DGKI: variants seen among roughly 807,000 people sequenced by gnomAD.
DGKI encodes the protein DAG kinase iota.
DGKI carries 55 observed loss-of-function variants against 147.5 expected under a neutral mutation model. That is an observed-to-expected ratio of 0.37 (90% CI 0.30 to 0.47). DGKI has a LOEUF of 0.47. DGKI is among the 20% of genes least tolerant of loss of function. DGKI has a pLI of 1.00. For missense variants in DGKI, 1,007 were observed against 1,323.8 expected (o/e 0.76, Z 3.71); for synonymous variants, 469 against 477.1 (o/e 0.98, Z 0.22).
At chr7:137,675,670 G>C (rs941547340) in intron 3 of DGKI, among the ~76,000 whole-genome samples, 2 of 128,742 alleles carry the variant, frequency 1.6e-5, no homozygotes, top group Non-Finnish European at 1.6e-5. Flanking sequence ...GGGCAGCCGA[G>C]CAAGACTACA....
intron 12 of DGKI, among the ~76,000 whole-genome samples, chr7:137,589,635 T>A (rs530483269): frequency 5.9e-5 from 9 of 152,174 alleles, no homozygotes; most frequent in African/African-American, 9.7e-5. Context: ...ATAGTTCTAA[T>A]AAACTGCAAG....
At position 137,708,641 on chromosome 7, in the gene DGKI, C is replaced by T. The variant is rs530577555; in HGVS notation, c.402-18639G>A. 7.2e-5 allele frequency among the ~76,000 whole-genome samples: 11 copies of T among 152,328 alleles called. No individual in the cohort carries two copies. The South Asian group carries it at 1.4e-3, about 20-fold the overall frequency. ...CTATGTTCTAGGCTCAAAGTAATTG[C>T]TGTTTGTATGGAAGTAAACAAAATA... On this transcript the variant is annotated intron_variant, in intron 1 of 32. Coordinates refer to ENST00000614521, the MANE Select transcript of DGKI (RefSeq NM_001321708.2).
intron 6 of DGKI, among the ~76,000 whole-genome samples, chr7:137,626,705 C>T (rs1014007031): frequency 6.6e-6 from 1 of 152,164 alleles, no homozygotes; most frequent in Non-Finnish European, 1.5e-5. Flanking sequence ...GCAGCAGAAG[C>T]CGGGGTGAGA....
intron 1 of DGKI, among the ~76,000 whole-genome samples, chr7:137,809,670 G>A (rs976031476): frequency 1.3e-5 from 2 of 152,136 alleles, no homozygotes; most frequent in Non-Finnish European, 2.9e-5. Context: ...ATTCTTGGAC[G>A]CCAAGGAAGG....
chr7:137,706,561 T>TTTTTTA, intron 1 of DGKI, among the ~76,000 whole-genome samples: 1 of 150,164 alleles, frequency 6.7e-6, no homozygotes, highest in African/African-American at 2.4e-5. Flanking sequence ...CTATTTTTTA[T>TTTTTTA]TTTTTATTTT....
At position 137,384,315 on chromosome 7, in the gene DGKI, C is replaced by G. The variant is rs1023464420; in HGVS notation, c.*6905G>C. On this transcript the variant is annotated 3_prime_UTR_variant, in exon 33 of 33. Transcript: ENST00000614521. ...GAACTATGTACAAGCTGACAAGCCT[C>G]TCTCCGACAGCAAAAACTCTGACTT... 6.6e-6 allele frequency: 1 copy of G among 152,032 alleles called. No homozygotes were observed. Among genetic ancestry groups the G allele is most frequent in the Non-Finnish European group, 1.5e-5 (1 of 67,942 alleles). 9.4% of individuals were successfully genotyped at this position (152,032 alleles called of 1,614,324 possible). A position where few individuals can be genotyped will look rare whatever the true frequency, so the allele number is the denominator to read the frequency against.
chr7:137,555,626 A>C (rs537502040), intron 19 of DGKI, among the ~76,000 whole-genome samples: 2 of 152,268 alleles, frequency 1.3e-5, no homozygotes, highest in East Asian at 3.9e-4. Context: ...AAATCGAAAA[A>C]CCTAGATAAG....
intron 13 of DGKI, 69 bp downstream of exon 13, chr7:137,587,028 G>T: frequency 8.7e-7 from 1 of 1,155,374 alleles, no homozygotes; most frequent in Non-Finnish European, 1.2e-6. Context: ...TCTTCCATTA[G>T]AACATCAGTG....
At chr7:137,525,336 C>G (rs979819576) in intron 20 of DGKI, among the ~76,000 whole-genome samples, 3 of 152,162 alleles carry the variant, frequency 2.0e-5, no homozygotes, top group African/African-American at 7.2e-5. Flanking sequence ...TTACTTAAAC[C>G]TAGTCTTCTG....
At chr7:137,534,206 T>C (rs957486542) in intron 20 of DGKI, among the ~76,000 whole-genome samples, 12 of 152,142 alleles carry the variant, frequency 7.9e-5, no homozygotes, top group African/African-American at 2.7e-4. Flanking sequence ...TTTGTTGATA[T>C]GTCAGAGGAT....
intron 12 of DGKI, among the ~76,000 whole-genome samples, chr7:137,593,074 T>C (rs1276470078): frequency 6.6e-6 from 1 of 152,158 alleles, no homozygotes; most frequent in African/African-American, 2.4e-5. Context: ...ATGTCTACCA[T>C]TTGGGATGCT....
At chr7:137,643,074 G>A (rs1209488672) in intron 6 of DGKI, among the ~76,000 whole-genome samples, 25 of 151,422 alleles carry the variant, frequency 1.7e-4, no homozygotes, top group Admixed American at 1.4e-3. Context: ...GGCGGATCAC[G>A]AGGTCAGGAG....
chr7:137,402,768 G>A (rs1811807999), intron 30 of DGKI, among the ~76,000 whole-genome samples: 1 of 152,128 alleles, frequency 6.6e-6, no homozygotes, highest in Non-Finnish European at 1.5e-5. Flanking sequence ...GATGTGGGGA[G>A]AGCTGGCACT....
At chr7:137,427,535 A>G (rs1357376522) in intron 28 of DGKI, among the ~76,000 whole-genome samples, 2 of 152,238 alleles carry the variant, frequency 1.3e-5, no homozygotes, top group Non-Finnish European at 1.5e-5. Flanking sequence ...GCAGAAGGCA[A>G]GAAATAACTA....
Position 137,690,015 on chromosome 7 carries a change from GAAAAACAAAAAC to G in DGKI, c.402-25_402-14del. On this transcript the variant is annotated splice_polypyrimidine_tract_variant and intron_variant, in intron 1 of 32. Transcript: ENST00000614521. Reference sequence around the variant, plus strand: ...GGAGATTGCTTTCCTGCAGCAAGAAGAAAAACAAAAACAAAAACAAAGAAAAACCAACATCAG... The same window carrying G: ...GGAGATTGCTTTCCTGCAGCAAGAAGAAAAACAAAGAAAAACCAACATCAG... 6.5e-7 allele frequency: 1 copy of G among 1,541,310 alleles called. No individual in the cohort carries two copies. Among genetic ancestry groups the G allele is most frequent in the Non-Finnish European group, 8.8e-7 (1 of 1,134,606 alleles).
At chr7:137,816,598 A>G (rs1223301510) in intron 1 of DGKI, among the ~76,000 whole-genome samples, 1 of 152,252 alleles carries the variant, frequency 6.6e-6, no homozygotes, top group Non-Finnish European at 1.5e-5. Context: ...CAGTGAACCA[A>G]TCAAAGACCT....
intron 1 of DGKI, among the ~76,000 whole-genome samples, chr7:137,776,684 A>C (rs1796372564): frequency 6.6e-6 from 1 of 152,204 alleles, no homozygotes; most frequent in Admixed American, 6.5e-5. Context: ...TCGATCATCT[A>C]TGATTGGTAC....
At chr7:137,416,486 G>C (rs949039708) in intron 28 of DGKI, among the ~76,000 whole-genome samples, 1 of 152,182 alleles carries the variant, frequency 6.6e-6, no homozygotes, top group African/African-American at 2.4e-5. Flanking sequence ...CCACATCTGA[G>C]GTGGAGAGTA....
chr7:137,523,259 C>T (rs1392145400), intron 20 of DGKI, among the ~76,000 whole-genome samples: 7 of 151,884 alleles, frequency 4.6e-5, no homozygotes, highest in Non-Finnish European at 7.4e-5. Flanking sequence ...TTCAGTAAAA[C>T]TCTGGAAGAG....
Sources: gnomAD v4.1 joint callset for allele counts (sites outside exome capture counted in the v4.1 genomes callset) on GRCh38, gnomAD v4.1.1 for gene constraint, MANE v1.5 for transcripts, NCBI Gene and HGNC (gene_info 2026-07-23, HGNC 2026-07-21) for gene names.